DDC: variants seen among roughly 807,000 people sequenced by gnomAD.
The protein encoded by DDC is aromatic-L-amino-acid decarboxylase.
In DDC, 43 loss-of-function variants were observed where a neutral mutation model predicts 60.0. That is an observed-to-expected ratio of 0.72 (90% CI 0.56 to 0.92). The LOEUF is 0.92. DDC is among the 40% of genes least tolerant of loss of function. The pLI is 0.00. For synonymous variants in DDC, 232 were observed against 234.6 expected (o/e 0.99, Z 0.10); for missense variants, 573 against 620.2 (o/e 0.92, Z 0.81).
At chr7:50,495,666 G>A (rs988280197) in intron 8 of DDC, among the ~76,000 whole-genome samples, 1 of 151,990 alleles carries the variant, frequency 6.6e-6, no homozygotes, top group African/African-American at 2.4e-5. Context: ...GAGTTGATTT[G>A]TATGTTTTGC....
chr7:50,476,792 G>A (rs992198670), intron 10 of DDC, 149 bp from the exon 11 acceptor site: 20 of 714,468 alleles, frequency 2.8e-5, no homozygotes, highest in Middle Eastern at 2.3e-4. Context: ...TGTTCTTTGC[G>A]GCACTTCCCA....
chr7:50,559,197 G>A (rs895336532), intron 1 of DDC, among the ~76,000 whole-genome samples: 1 of 152,134 alleles, frequency 6.6e-6, no homozygotes, highest in African/African-American at 2.4e-5. Context: ...CAGCAGGCAC[G>A]GAGCTCCTCT....
chr7:50,516,326 G>C (rs1052554254), intron 6 of DDC, among the ~76,000 whole-genome samples: 6 of 152,068 alleles, frequency 3.9e-5, no homozygotes, highest in African/African-American at 1.4e-4. Flanking sequence ...ACCTGAATGA[G>C]CACTGGCTCA....
intron 6 of DDC, 29 bp downstream of exon 6, chr7:50,528,108 C>A (rs1159920145): frequency 1.2e-6 from 2 of 1,611,164 alleles, no homozygotes. Flanking sequence ...ACCTTATTGG[C>A]CAGGAGCCAC....
intron 13 of DDC, among the ~76,000 whole-genome samples, chr7:50,464,919 G>T (rs2042361440): frequency 6.6e-6 from 1 of 152,246 alleles, no homozygotes; most frequent in African/African-American, 2.4e-5. Flanking sequence ...GTGAGCCACA[G>T]TGTTTGACTA....
intron 1 of DDC, among the ~76,000 whole-genome samples, chr7:50,555,353 C>A (rs923253715): frequency 6.6e-6 from 1 of 152,128 alleles, no homozygotes; most frequent in East Asian, 1.9e-4. Flanking sequence ...TCCTTTAATG[C>A]TTTATTGGTG....
intron 2 of DDC, among the ~76,000 whole-genome samples, chr7:50,543,650 C>G (rs943857981): frequency 6.6e-6 from 1 of 152,124 alleles, no homozygotes; most frequent in Non-Finnish European, 1.5e-5. Context: ...CCTCACTGCC[C>G]TTGGATTTGG....
intron 2 of DDC, 139 bp from the exon 3 acceptor site, chr7:50,540,167 T>A: frequency 1.4e-6 from 1 of 699,502 alleles, no homozygotes. Context: ...TCCCCAAATG[T>A]CAGCCATCCC....
At chr7:50,544,992 T>G (rs1208837352) in intron 1 of DDC, among the ~76,000 whole-genome samples, 1 of 152,158 alleles carries the variant, frequency 6.6e-6, no homozygotes, top group African/African-American at 2.4e-5. Context: ...ATATATTTTC[T>G]CCATAAGGCA....
intron 6 of DDC, among the ~76,000 whole-genome samples, chr7:50,509,553 C>T (rs1317945026): frequency 1.3e-5 from 2 of 152,192 alleles, no homozygotes; most frequent in Non-Finnish European, 2.9e-5. Context: ...TCCATTCCCA[C>T]ATTTTTCATT....
chr7:50,529,649 C>A (rs952784531), intron 4 of DDC, among the ~76,000 whole-genome samples: 6 of 152,150 alleles, frequency 3.9e-5, no homozygotes, highest in Non-Finnish European at 8.8e-5. Context: ...CCCAGCCTGG[C>A]CTAGGACGAC....
At chr7:50,481,203 C>G (rs1305201043) in intron 9 of DDC, among the ~76,000 whole-genome samples, 4 of 152,036 alleles carry the variant, frequency 2.6e-5, no homozygotes, top group African/African-American at 9.7e-5. Flanking sequence ...GGTCATTGAG[C>G]CTTTATTTTT....
intron 10 of DDC, among the ~76,000 whole-genome samples, chr7:50,478,070 G>A (rs2042687665): frequency 1.3e-5 from 2 of 151,996 alleles, no homozygotes; most frequent in African/African-American, 4.8e-5. Flanking sequence ...AAAATTATCT[G>A]GGCCTTGTGC....
At chr7:50,517,072 A>T (rs1014459955) in intron 6 of DDC, among the ~76,000 whole-genome samples, 1 of 152,224 alleles carries the variant, frequency 6.6e-6, no homozygotes, top group South Asian at 2.1e-4. Context: ...TCATTCTATG[A>T]AGTCAGAATC....
In DDC at chr7:50,479,152, G is replaced by A. The variant is rs11575468; in HGVS notation, c.1021+635C>T. 7.9e-4 allele frequency among the ~76,000 whole-genome samples: 121 copies of A among 152,296 alleles called. No individual in the cohort carries two copies. In the East Asian group the frequency reaches 0.016, roughly 20 times the overall value. ...GCAAAAGCCAAGAATTGTGCATTCCGTGCTGTGGCCCCAGAGCAGCCTGTG... is the reference window on the plus strand; with the variant it reads ...GCAAAAGCCAAGAATTGTGCATTCCATGCTGTGGCCCCAGAGCAGCCTGTG... On this transcript the variant is annotated intron_variant, in intron 10 of 14. Transcript: ENST00000444124.
At chr7:50,545,217 C>G (rs1483690364) in intron 1 of DDC, among the ~76,000 whole-genome samples, 1 of 152,222 alleles carries the variant, frequency 6.6e-6, no homozygotes, top group Non-Finnish European at 1.5e-5. Flanking sequence ...CGGACAAGCA[C>G]ATTCTCCACT....
At chr7:50,460,601 A>G (rs1288132814) in intron 14 of DDC, among the ~76,000 whole-genome samples, 1 of 151,606 alleles carries the variant, frequency 6.6e-6, no homozygotes, top group Non-Finnish European at 1.5e-5. Flanking sequence ...GTTTTGTGGA[A>G]CAGAAAGGGG....
intron 6 of DDC, among the ~76,000 whole-genome samples, chr7:50,523,551 A>C (rs2043956359): frequency 6.6e-6 from 1 of 152,238 alleles, no homozygotes; most frequent in Non-Finnish European, 1.5e-5. Context: ...TCATGTAGCA[A>C]ATAAGCACAT....
intron 9 of DDC, among the ~76,000 whole-genome samples, chr7:50,480,962 C>A (rs997246076): frequency 6.6e-6 from 1 of 152,180 alleles, no homozygotes; most frequent in Non-Finnish European, 1.5e-5. Flanking sequence ...ACGGTAATTG[C>A]CATTGCTCTG....
Sources: allele counts gnomAD v4.1 joint callset (sites outside exome capture counted in the v4.1 genomes callset), GRCh38; gene constraint gnomAD v4.1.1; transcripts MANE v1.5; gene names NCBI Gene and HGNC (gene_info 2026-07-23, HGNC 2026-07-21).